Variants in KHDRBS2 observed in about 807,000 individuals in gnomAD.
The protein encoded by KHDRBS2 is KH RNA binding domain containing, signal transduction associated 2.
A neutral mutation model predicts 44.3 loss-of-function variants in KHDRBS2; 26 were observed. The ratio of observed to expected loss-of-function variants is 0.59; its 90% CI spans 0.43 to 0.81. The LOEUF is 0.81. Ranked by LOEUF, KHDRBS2 falls within the 40% of genes least tolerant of loss-of-function variation. The pLI, the probability that KHDRBS2 is intolerant of heterozygous loss-of-function variation, is 0.00. For missense variants in KHDRBS2, 476 were observed against 433.1 expected, an observed-to-expected ratio of 1.10 and a Z score of -0.88; for synonymous variants, 194 against 151.1, an observed-to-expected ratio of 1.28 and a Z score of -2.08.
intron 8 of KHDRBS2, among the ~76,000 whole-genome samples, chr6:61,681,607 G>A (rs1198419254): frequency 2.6e-5 from 4 of 151,126 alleles, no homozygotes; most frequent in Non-Finnish European, 4.4e-5. Flanking sequence ...ATATAGAGTA[G>A]AAAAAACCTT....
At chr6:61,984,669 G>A (rs1325926802) in intron 3 of KHDRBS2, among the ~76,000 whole-genome samples, 1 of 152,100 alleles carries the variant, frequency 6.6e-6, no homozygotes, top group East Asian at 1.9e-4. Flanking sequence ...CTAAAGTTTG[G>A]TATATAAACT....
intron 2 of KHDRBS2, among the ~76,000 whole-genome samples, chr6:62,097,752 C>T (rs1301622390): frequency 6.6e-6 from 1 of 152,032 alleles, no homozygotes; most frequent in Non-Finnish European, 1.5e-5. Flanking sequence ...CTTACTACTG[C>T]TATTTTGTTA....
chr6:61,964,791 C>A (rs1769535680), intron 4 of KHDRBS2, among the ~76,000 whole-genome samples: 1 of 152,016 alleles, frequency 6.6e-6, no homozygotes, highest in South Asian at 2.1e-4. Context: ...ACAGCAGTGG[C>A]AGAAATGTGC....
rs74621923 is a variant in KHDRBS2 at position 62,104,520 on chromosome 6, A to G, written c.220-56526T>C. 3.8e-3 allele frequency among the ~76,000 whole-genome samples: 583 copies of G among 152,342 alleles called. 2 individuals carry two copies. Among genetic ancestry groups the G allele is most frequent in the African/African-American group, 0.014 (564 of 41,592 alleles). The stretch of plus-strand genomic sequence containing the variant: ...AATCTTGATTATTCCCAAATACTTG[A>G]AAAGTATATAATACATTTCTAAATA... On this transcript the variant is annotated intron_variant, in intron 2 of 8. Coordinates refer to ENST00000281156, the MANE Select transcript of KHDRBS2 (RefSeq NM_152688.4).
chr6:62,229,016 C>T (rs1832415142), intron 1 of KHDRBS2, among the ~76,000 whole-genome samples: 2 of 152,188 alleles, frequency 1.3e-5, no homozygotes, highest in Non-Finnish European at 2.9e-5. Context: ...TAACAAAGCA[C>T]TTTGACTGTC....
chr6:62,188,012 G>A (rs115403696), intron 1 of KHDRBS2, among the ~76,000 whole-genome samples: 3,505 of 151,948 alleles, frequency 0.023, 139 homozygotes, highest in African/African-American at 0.08. Context: ...CATGTCACAC[G>A]GTGAGACAAG....
chr6:62,049,939 G>T (rs1459524149), intron 2 of KHDRBS2, among the ~76,000 whole-genome samples: 2 of 151,816 alleles, frequency 1.3e-5, no homozygotes, highest in Non-Finnish European at 2.9e-5. Flanking sequence ...CCCATTACTG[G>T]GTATATACCC....
intron 2 of KHDRBS2, among the ~76,000 whole-genome samples, chr6:62,052,483 G>C (rs1419895772): frequency 1.3e-5 from 2 of 151,480 alleles, no homozygotes; most frequent in African/African-American, 4.8e-5. Context: ...ACGTAAGTCA[G>C]AGGATAAAAT....
chr6:62,060,035 C>T (rs775434285), intron 2 of KHDRBS2, among the ~76,000 whole-genome samples: 3 of 151,770 alleles, frequency 2.0e-5, no homozygotes, highest in African/African-American at 7.3e-5. Context: ...AAGCATTTCT[C>T]TAGCTTTAAG....
the KHDRBS2 span, among the ~76,000 whole-genome samples, chr6:61,600,646 G>A: frequency 5.3e-5 from 8 of 152,158 alleles, no homozygotes; most frequent in African/African-American, 9.6e-5. Context: ...ATTTGGTGCC[G>A]AAGACCCGGG....
At chr6:62,094,327 G>C (rs963732560) in intron 2 of KHDRBS2, among the ~76,000 whole-genome samples, 1 of 151,704 alleles carries the variant, frequency 6.6e-6, no homozygotes, top group African/African-American at 2.4e-5. Context: ...CTGTTCATTT[G>C]TATGTCTTCA....
intron 3 of KHDRBS2, among the ~76,000 whole-genome samples, chr6:61,998,331 C>G (rs1220758282): frequency 6.6e-6 from 1 of 152,102 alleles, no homozygotes; most frequent in African/African-American, 2.4e-5. Context: ...ACATTTTACT[C>G]ATACTATAAT....
chr6:62,097,823 G>C (rs1230500411), intron 2 of KHDRBS2, among the ~76,000 whole-genome samples: 1 of 151,900 alleles, frequency 6.6e-6, no homozygotes, highest in Non-Finnish European at 1.5e-5. Flanking sequence ...GTTCCTTTCT[G>C]TCCTCCTTTG....
chr6:61,576,414 G>A, the KHDRBS2 span, among the ~76,000 whole-genome samples: 1 of 152,098 alleles, frequency 6.6e-6, no homozygotes, highest in Non-Finnish European at 1.5e-5. Context: ...AAATGCTACA[G>A]ATTTTGTATG....
At chr6:61,549,809 A>C in the KHDRBS2 span, among the ~76,000 whole-genome samples, 16 of 152,180 alleles carry the variant, frequency 1.1e-4, no homozygotes, top group Non-Finnish European at 1.8e-4. Context: ...CTAGCAACTA[A>C]TCTTTAATAA....
intron 4 of KHDRBS2, among the ~76,000 whole-genome samples, chr6:61,906,673 T>C (rs1205535386): frequency 6.6e-6 from 1 of 152,192 alleles, no homozygotes; most frequent in East Asian, 1.9e-4. Flanking sequence ...TGTGCCAGGC[T>C]TATTTTGCTT....
At chr6:62,141,559 T>C (rs1183631644) in intron 2 of KHDRBS2, among the ~76,000 whole-genome samples, 1 of 152,190 alleles carries the variant, frequency 6.6e-6, no homozygotes, top group Non-Finnish European at 1.5e-5. Flanking sequence ...TGCAGTACAT[T>C]GAAGGAAATC....
the KHDRBS2 span, among the ~76,000 whole-genome samples, chr6:61,655,789 A>G: frequency 1.3e-5 from 2 of 152,110 alleles, no homozygotes; most frequent in Admixed American, 6.6e-5. Flanking sequence ...AGTCCATTTC[A>G]CACATCAGAA....
chr6:62,270,724 C>G (rs1407890454), intron 1 of KHDRBS2, among the ~76,000 whole-genome samples: 1 of 151,792 alleles, frequency 6.6e-6, no homozygotes, highest in Non-Finnish European at 1.5e-5. Flanking sequence ...GTAAGAAAAC[C>G]AAAGTAGATA....
Sources: allele counts gnomAD v4.1 joint callset (sites outside exome capture counted in the v4.1 genomes callset), GRCh38; gene constraint gnomAD v4.1.1; transcripts MANE v1.5; gene names NCBI Gene and HGNC (gene_info 2026-07-23, HGNC 2026-07-21).